Variants in LRIT2 observed in about 807,000 individuals in gnomAD.
LRIT2 encodes the protein leucine-rich repeat, immunoglobulin-like domain and transmembrane domain-containing protein 2.
In LRIT2, 23 loss-of-function variants were observed where a neutral mutation model predicts 22.4. The ratio of observed to expected loss-of-function variants is 1.03; its 90% confidence interval spans 0.74 to 1.45. LRIT2 has a LOEUF of 1.45. LRIT2 is among the 40% of genes most tolerant of loss of function. LRIT2 has a pLI of 0.00. For synonymous variants in LRIT2, 291 were observed against 267.1 expected, an observed-to-expected ratio of 1.09 and a Z score of -0.87; for missense variants, 784 against 665.6, an observed-to-expected ratio of 1.18 and a Z score of -1.96.
chr10:84,222,784 T>G lies in LRIT2; in HGVS notation c.893-104A>C, dbSNP rs1044846140. ...TTTGTTTTGCTTTGTTTTTTGTTAT[T>G]GTTGTTGTTAGAAGATGGTGGTAAC... On this transcript the variant is annotated intron_variant, in intron 2 of 2. Transcript: ENST00000372113. The G allele has an allele frequency of 2.2e-6, 3 of 1,390,480 alleles. No individual in the cohort carries two copies. The African/African-American group carries it at 4.3e-5, about 20-fold the overall frequency. 86.1% of individuals were successfully genotyped at this position (1,390,480 alleles called of 1,614,324 possible).
In LRIT2 at chr10:84,222,606, C is replaced by T; in HGVS notation, c.967G>A (p.Gly323Ser). ...AIPAAHLVDS[G>S]NYTCMASNSI... ...TTGGAGGCCATGCAGGTGTAATTAC[C>T]ACTGTCTACCAGGTGGGCAGCAGGT... The change falls in exon 3 of 3, where the codon GGT (glycine) becomes AGT (serine). Residue 323 changes from glycine to serine, a missense_variant. Gly to Ser is a moderately conservative substitution (Grantham distance 56, BLOSUM62 0). Transcript: ENST00000372113. 1 of 1,614,078 alleles carries T rather than the reference C, an allele frequency of 6.2e-7. No individual in the cohort carries two copies. The highest frequency in any genetic ancestry group is 1.7e-5 in the Admixed American group (1 of 60,008).
chr10:84,224,586 C>T lies in LRIT2; in HGVS notation c.639G>A (p.Gln213=), dbSNP rs1842543448. 1.2e-6 allele frequency: 2 copies of T among 1,613,616 alleles called. No homozygotes were observed. Among genetic ancestry groups the T allele is most frequent in the East Asian group, 2.2e-5 (1 of 44,878 alleles). The change falls in exon 2 of 3, where the codon CAG becomes CAA. Residue 213 remains glutamine (Q), a synonymous_variant. Transcript: ENST00000372113. The stretch of plus-strand genomic sequence containing the variant: ...CTGGGAGGGTAATGGACTTGACAAA[C>T]TGGACAAGCCCCCTTAGGCGACAGT... The part of the protein sequence containing the change: ...VCDCRLRGLV[Q]FVKSITLPVI...
rs750970495 is a variant in LRIT2 at position 84,224,501 on chromosome 10, A to G, written c.724T>C (p.Phe242Leu). The change falls in exon 2 of 3, where the codon TTT becomes CTT. Residue 242 changes from phenylalanine (F) to leucine (L), a missense_variant. Coordinates refer to ENST00000372113, the MANE Select transcript of LRIT2 (RefSeq NM_001017924.5). The part of the protein sequence containing the change: ...QGPLSKAGQL[F>L]HETELSACMK... ...CAAGCACTAAGCTCAGTTTCATGAA[A>G]AAGCTGCCCTGCCTTGGACAGAGGG... 6.2e-7 allele frequency: 1 copy of G among 1,614,218 alleles called. No individual in the cohort carries two copies. The highest frequency in any genetic ancestry group is 8.5e-7 in the Non-Finnish European group (1 of 1,180,034).
At chr10:84,225,379 T>A (rs1356176416) in intron 1 of LRIT2, 32 bp downstream of exon 1, 1 of 1,606,170 alleles carries the variant, frequency 6.2e-7, no homozygotes, top group Non-Finnish European at 8.5e-7. Context: ...CCATTCCCCA[T>A]AACCCTCTAA....
Position 84,224,345 on chromosome 10 carries a change from TCCA to T in LRIT2, c.877_879del (p.Trp293del), listed in dbSNP as rs1471998915. 6.2e-7 allele frequency: 1 copy of T among 1,612,214 alleles called. No homozygotes were observed. The highest frequency in any genetic ancestry group is 1.7e-5 in the Admixed American group (1 of 59,970). On this transcript the variant is annotated inframe_deletion, in exon 2 of 3. Coordinates refer to ENST00000372113, the MANE Select transcript of LRIT2 (RefSeq NM_001017924.5). Reference sequence around the variant, plus strand: ...GCATGTGGCTTACCATCAAATTCTCTCCACATACTCAGGGGATAAGTCCATGCA... The same window carrying T: ...GCATGTGGCTTACCATCAAATTCTCTCATACTCAGGGGATAAGTCCATGCA...
rs1206454744 is a variant in LRIT2 at position 84,224,543 on chromosome 10, A to G, written c.682T>C (p.Tyr228His). 1.2e-6 allele frequency: 2 copies of G among 1,614,166 alleles called. No homozygotes were observed. Among genetic ancestry groups the G allele is most frequent in the East Asian group, 2.2e-5 (1 of 44,888 alleles). ...ITLPVILVNS[Y>H]LICQGPLSKA... ...GACAGAGGGCCCTGACATATCAGGT[A>G]GGAATTCACCAGGATGACTGGGAGG... Residue 228 changes from tyrosine to histidine, a missense_variant, in exon 2 of 3, where the codon TAC becomes CAC. Physicochemically the swap from Tyr to His is moderately conservative, Grantham distance 83. Transcript: ENST00000372113.
rs111587088 is a variant in LRIT2, at chr10:84,222,427, C to A, written c.1146G>T (p.Trp382Cys). The A allele has an allele frequency of 6.2e-7, 1 of 1,614,102 alleles. No individual in the cohort carries two copies. Among genetic ancestry groups the A allele is most frequent in the East Asian group, 2.2e-5 (1 of 44,832 alleles). ...CCTTAGAGGTGTCAGCCACTGCAAG[C>A]CACTCCAGCAAAATCCCATGCACTG... is the stretch of plus-strand genomic sequence containing the variant. ...KQTVHGILLEWLAVADTSKEE... is the reference protein window; with the variant it reads ...KQTVHGILLECLAVADTSKEE... Residue 382 changes from tryptophan (W) to cysteine (C), a missense_variant, in exon 3 of 3, where the codon TGG (tryptophan) becomes TGT (cysteine). Trp to Cys is a radical substitution (Grantham distance 215). Coordinates refer to ENST00000372113, the MANE Select transcript of LRIT2 (RefSeq NM_001017924.5).
At chr10:84,224,234 T>G in intron 2 of LRIT2, 99 bp downstream of exon 2, 1 of 1,288,614 alleles carries the variant, frequency 7.8e-7, no homozygotes, top group South Asian at 1.5e-5. Flanking sequence ...GCACCCACCC[T>G]TCGTGACTGA....
In LRIT2 at chr10:84,222,609, T is replaced by C. The variant is rs1204738127; in HGVS notation, c.964A>G (p.Ser322Gly). Residue 322 changes from serine to glycine, a missense_variant, in exon 3 of 3, where the codon AGT becomes GGT. Transcript: ENST00000372113. ...GAGGCCATGCAGGTGTAATTACCAC[T>C]GTCTACCAGGTGGGCAGCAGGTATG... ...LAIPAAHLVD[S>G]GNYTCMASNS... 2 of 1,614,074 alleles carry C rather than the reference T, an allele frequency of 1.2e-6. No individual in the cohort carries two copies. The highest frequency in any genetic ancestry group is 4.5e-5 in the East Asian group (2 of 44,856).
In LRIT2 at chr10:84,221,452, T is replaced by A. The variant is rs1376943924; in HGVS notation, c.*468A>T. ...CGATGGAACTGGAACCTCTTTTGAATGGGGCTTCTGCCTCCTGCCAGATGT... is the reference window on the plus strand; with the variant it reads ...CGATGGAACTGGAACCTCTTTTGAAAGGGGCTTCTGCCTCCTGCCAGATGT... On this transcript the variant is annotated 3_prime_UTR_variant, in exon 3 of 3. Transcript: ENST00000372113. 6.6e-6 allele frequency: 1 copy of A among 152,626 alleles called. No homozygotes were observed. Among genetic ancestry groups the A allele is most frequent in the African/African-American group, 2.4e-5 (1 of 41,468 alleles). The allele number at this position is 152,626 out of a possible 1,614,324, so 9.5% of individuals were successfully genotyped here. A position where few individuals can be genotyped will look rare whatever the true frequency, so the allele number is the denominator to read the frequency against.
At position 84,220,957 on chromosome 10, in the gene LRIT2, T is replaced by G. The variant is rs1329110730; in HGVS notation, c.*963A>C. ...GATGTGAATTAAATCCTGGGAATGG[T>G]CTCCCCTAGAAGGGCTGTTCAGTGG... On this transcript the variant is annotated 3_prime_UTR_variant, in exon 3 of 3. Transcript: ENST00000372113. 1.3e-5 allele frequency: 2 copies of G among 152,208 alleles called. No homozygotes were observed. The highest frequency in any genetic ancestry group is 2.9e-5 in the Non-Finnish European group (2 of 68,044). 9.4% of individuals were successfully genotyped at this position (152,208 alleles called of 1,614,324 possible). A position where few individuals can be genotyped will look rare whatever the true frequency, so the allele number is the denominator to read the frequency against.
intron 2 of LRIT2, among the ~76,000 whole-genome samples, chr10:84,223,556 A>G (rs371468641): frequency 1.3e-5 from 2 of 149,188 alleles, no homozygotes; most frequent in African/African-American, 4.9e-5. Flanking sequence ...GCAAATGACT[A>G]TATTTCCCAA....
rs527413911 is a variant in LRIT2 at position 84,222,008 on chromosome 10, C to A, written c.1565G>T (p.Arg522Ile). 3.7e-5 allele frequency: 59 copies of A among 1,605,408 alleles called. No individual in the cohort carries two copies. The South Asian group carries it at 6.0e-4, about 16-fold the overall frequency. ...GTCATCACAGACAGCTGGATGTTCT[C>A]TAAAGGAGCCATCCTTGGACTGCGG... is the stretch of plus-strand genomic sequence containing the variant. ...AAPQSKDGSFREHPAVCDDGE... is the reference protein window; with the variant it reads ...AAPQSKDGSFIEHPAVCDDGE... The change falls in exon 3 of 3, where the codon AGA (arginine) becomes ATA (isoleucine). Residue 522 changes from arginine (R) to isoleucine (I), a missense_variant. By Grantham distance (97) the Arg-to-Ile change is moderately conservative (BLOSUM62 -3). Transcript: ENST00000372113.
At position 84,222,333 on chromosome 10, in the gene LRIT2, C is replaced by A. The variant is rs199824710; in HGVS notation, c.1240G>T (p.Gly414Ter). Reference protein sequence around the residue: ...FRKEVVHIGPGINTYAVDDLL... With the variant: ...FRKEVVHIGP ...TCATCCACAGCATAAGTATTGATTC[C>A]GGGGCCAATGTGAACCACCTCCTTC... The change falls in exon 3 of 3, where the codon GGA (glycine) becomes TGA (stop). Residue 414 changes from glycine (G) to a stop codon, truncating the protein, a stop_gained. Transcript: ENST00000372113. LOFTEE classifies it low-confidence loss of function (END_TRUNC). 3.1e-6 allele frequency: 5 copies of A among 1,614,030 alleles called. No homozygotes were observed. The highest frequency in any genetic ancestry group is 3.4e-6 in the Non-Finnish European group (4 of 1,180,036).
In LRIT2 at chr10:84,221,185, C is replaced by T. The variant is rs1842500358; in HGVS notation, c.*735G>A. Reference sequence around the variant, plus strand: ...CAGACCCAGGGCTGCAGCCAATCCCCTACTCTTCCTTGGTGCTGATGGCTC... The same window carrying T: ...CAGACCCAGGGCTGCAGCCAATCCCTTACTCTTCCTTGGTGCTGATGGCTC... On this transcript the variant is annotated 3_prime_UTR_variant, in exon 3 of 3. Coordinates refer to ENST00000372113, the MANE Select transcript of LRIT2 (RefSeq NM_001017924.5). 6.6e-6 allele frequency: 1 copy of T among 152,250 alleles called. No individual in the cohort carries two copies. Among genetic ancestry groups the T allele is most frequent in the African/African-American group, 2.4e-5 (1 of 41,464 alleles). The allele number at this position is 152,250 out of a possible 1,614,324, so 9.4% of individuals were successfully genotyped here.
In LRIT2 at chr10:84,220,706, A is replaced by C. The variant is rs1320070423; in HGVS notation, c.*1214T>G. 1 of 152,210 alleles carries C rather than the reference A, an allele frequency of 6.6e-6. No homozygotes were observed. Among genetic ancestry groups the C allele is most frequent in the South Asian group, 2.1e-4 (1 of 4,832 alleles). The allele number at this position is 152,210 out of a possible 1,614,324, so 9.4% of individuals were successfully genotyped here. A position where few individuals can be genotyped will look rare whatever the true frequency, so the allele number is the denominator to read the frequency against. ...CTTTGCCTGCAAATGTCTCACAACC[A>C]ATGGACACAATGTGCATACTGTCCT... On this transcript the variant is annotated 3_prime_UTR_variant, in exon 3 of 3. Transcript: ENST00000372113.
chr10:84,225,178 G>A, intron 1 of LRIT2, 64 bp from the exon 2 acceptor site: 1 of 1,424,476 alleles, frequency 7.0e-7, no homozygotes, highest in South Asian at 1.4e-5. Flanking sequence ...GGGTCAGGCT[G>A]ATCCTGGCAT....
chr10:84,224,678 G>C lies in LRIT2; in HGVS notation c.547C>G (p.Pro183Ala), dbSNP rs527962068. 6.2e-7 allele frequency: 1 copy of C among 1,614,180 alleles called. No homozygotes were observed. Among genetic ancestry groups the C allele is most frequent in the Admixed American group, 1.7e-5 (1 of 60,028 alleles). Residue 183 changes from proline (P) to alanine (A), a missense_variant, in exon 2 of 3, where the codon CCT (proline) becomes GCT (alanine). Pro to Ala is a conservative substitution (Grantham distance 27). Transcript: ENST00000372113. ...GAGAGAATCTCAGCCCCACAGTCAG[G>C]CTGCCGGCATTTCTGGTAGGCTGGC... ...NWPAYQKCRQPDCGAEILSSL... is the reference protein window; with the variant it reads ...NWPAYQKCRQADCGAEILSSL...
chr10:84,222,782 ATTG>A, intron 2 of LRIT2, 102 bp from the exon 3 acceptor site: 3 of 1,398,778 alleles, frequency 2.1e-6, no homozygotes, highest in South Asian at 1.2e-5. Flanking sequence ...GTTTTTTGTT[ATTG>A]TTGTTGTTAG....
Sources: allele counts gnomAD v4.1 joint callset (sites outside exome capture counted in the v4.1 genomes callset), GRCh38; gene constraint gnomAD v4.1.1; transcripts MANE v1.5; gene names NCBI Gene and HGNC (gene_info 2026-07-23, HGNC 2026-07-21).